RALGPS2: variants seen among roughly 807,000 people sequenced by gnomAD.
RALGPS2 encodes the protein Ral GEF with PH domain and SH3 binding motif 2.
In RALGPS2, 43 loss-of-function variants were observed where a neutral mutation model predicts 86.8. That is an observed-to-expected ratio of 0.50 (90% CI 0.39 to 0.64). RALGPS2 has a LOEUF of 0.64. RALGPS2 is among the 30% of genes least tolerant of loss of function. The pLI is 0.00. For missense variants in RALGPS2, 536 were observed against 694.6 expected (o/e 0.77, Z 2.57); for synonymous variants, 243 against 231.3 (o/e 1.05, Z -0.46).
chr1:178,885,283 T>C lies in RALGPS2; in HGVS notation c.1040+72T>C, dbSNP rs185545339. 1.5e-5 allele frequency: 21 copies of C among 1,440,986 alleles called. No individual in the cohort carries two copies. The African/African-American group carries it at 2.0e-4, about 14-fold the overall frequency. The allele number at this position is 1,440,986 out of a possible 1,614,324, so 89.3% of individuals were successfully genotyped here. A position where few individuals can be genotyped will look rare whatever the true frequency, so the allele number is the denominator to read the frequency against. On this transcript the variant is annotated intron_variant, in intron 12 of 19. Transcript: ENST00000367635. ...TTGGATTTATTGTCGATTTATTAGT[T>C]CAGTAGAAAATGGTATCCTTGAATA... is the stretch of plus-strand genomic sequence containing the variant.
At chr1:178,735,570 C>T (rs1459663887) in intron 1 of RALGPS2, among the ~76,000 whole-genome samples, 6 of 148,014 alleles carry the variant, frequency 4.1e-5, no homozygotes, top group South Asian at 4.2e-4. Flanking sequence ...ATTACAGGCA[C>T]GTGCCACCAT....
chr1:178,882,886 T>C (rs1431178619), intron 10 of RALGPS2, among the ~76,000 whole-genome samples: 1 of 152,206 alleles, frequency 6.6e-6, no homozygotes, highest in Admixed American at 6.5e-5. Context: ...TGTCAGCTGG[T>C]TTGTTAGATG....
chr1:178,865,036 T>C (rs370541934), intron 8 of RALGPS2: 1 of 1,493,420 alleles, frequency 6.7e-7, no homozygotes, highest in South Asian at 1.5e-5. Context: ...GCATTAAATC[T>C]CTGGGATAAC....
chr1:178,806,753 G>T (rs545031904), intron 4 of RALGPS2, among the ~76,000 whole-genome samples: 1 of 151,072 alleles, frequency 6.6e-6, no homozygotes, highest in East Asian at 1.9e-4. Context: ...AGTTTTCTTC[G>T]CTCCCTGCCC....
intron 1 of RALGPS2, among the ~76,000 whole-genome samples, chr1:178,745,252 G>C (rs569563755): frequency 1.7e-4 from 25 of 147,982 alleles, no homozygotes; most frequent in South Asian, 1.2e-3. Flanking sequence ...CGGTGGGGTG[G>C]GGGAATAGAA....
At chr1:178,777,624 A>C (rs1279441610) in intron 2 of RALGPS2, among the ~76,000 whole-genome samples, 3 of 150,250 alleles carry the variant, frequency 2.0e-5, no homozygotes, top group Non-Finnish European at 3.0e-5. Flanking sequence ...GAGGCATCAC[A>C]CTACCTGACT....
intron 7 of RALGPS2, among the ~76,000 whole-genome samples, chr1:178,829,729 TTTTATTTATTA>T (rs1558138321): frequency 1.3e-5 from 2 of 151,944 alleles, no homozygotes; most frequent in Middle Eastern, 3.2e-3. Context: ...TCTTTTTAAA[TTTTATTTATTA>T]TTTATTTATT....
intron 8 of RALGPS2, among the ~76,000 whole-genome samples, chr1:178,874,631 A>G (rs752556543): frequency 1.4e-4 from 22 of 152,094 alleles, no homozygotes; most frequent in Non-Finnish European, 8.8e-5. Flanking sequence ...CTACTTTTTT[A>G]TATCTTCTAT....
intron 12 of RALGPS2, 23 bp from the exon 13 acceptor site, chr1:178,885,946 T>G: frequency 6.5e-7 from 1 of 1,547,648 alleles, no homozygotes; most frequent in Admixed American, 2.1e-5. Context: ...ATAAAAGATA[T>G]GAACTTTTTT....
intron 8 of RALGPS2, chr1:178,865,088 G>A: frequency 1.3e-6 from 2 of 1,556,984 alleles, no homozygotes; most frequent in South Asian, 1.2e-5. Flanking sequence ...CAGACCAGGA[G>A]TATACTGTTG....
At chr1:178,817,767 G>C (rs1655307221) in intron 6 of RALGPS2, among the ~76,000 whole-genome samples, 1 of 152,142 alleles carries the variant, frequency 6.6e-6, no homozygotes, top group African/African-American at 2.4e-5. Flanking sequence ...TTCTGTTTAA[G>C]TTTTCTTTAA....
At chr1:178,756,320 T>A (rs1198660683) in intron 1 of RALGPS2, among the ~76,000 whole-genome samples, 1 of 152,230 alleles carries the variant, frequency 6.6e-6, no homozygotes, top group African/African-American at 2.4e-5. Flanking sequence ...TTAATCCATC[T>A]TGTTAATTTT....
chr1:178,798,731 T>C (rs2102164850), intron 4 of RALGPS2, among the ~76,000 whole-genome samples: 1 of 152,302 alleles, frequency 6.6e-6, no homozygotes. Flanking sequence ...GTGTCTTTTA[T>C]CTTGTATTGA....
At chr1:178,775,015 A>C (rs1653005787) in intron 1 of RALGPS2, among the ~76,000 whole-genome samples, 1 of 152,152 alleles carries the variant, frequency 6.6e-6, no homozygotes, top group Non-Finnish European at 1.5e-5. Context: ...GTGTATTTCT[A>C]AGGTTTTGTC....
intron 11 of RALGPS2, among the ~76,000 whole-genome samples, chr1:178,884,183 T>G (rs1258536482): frequency 6.6e-6 from 1 of 152,152 alleles, no homozygotes; most frequent in Non-Finnish European, 1.5e-5. Flanking sequence ...AATGGGAAAG[T>G]CTACTAATTT....
At chr1:178,850,815 GTTAT>G (rs1282096711) in intron 8 of RALGPS2, 3 of 194,418 alleles carry the variant, frequency 1.5e-5, no homozygotes, top group Non-Finnish European at 3.1e-5. Context: ...TCTTGAACAT[GTTAT>G]TTATGATTTA....
chr1:178,764,635 C>T (rs2102071122), intron 1 of RALGPS2, among the ~76,000 whole-genome samples: 1 of 152,270 alleles, frequency 6.6e-6, no homozygotes, highest in South Asian at 2.1e-4. Flanking sequence ...CCCTTCAGGA[C>T]TTTTTGTAAG....
chr1:178,879,427 T>G (rs1342265670), intron 10 of RALGPS2: 1 of 153,266 alleles, frequency 6.5e-6, no homozygotes, highest in Non-Finnish European at 1.5e-5. Context: ...GTCCATCTTG[T>G]CTCAGGAGAA....
At chr1:178,877,109 A>G (rs1444105231) in intron 8 of RALGPS2, among the ~76,000 whole-genome samples, 2 of 152,168 alleles carry the variant, frequency 1.3e-5, no homozygotes, top group Non-Finnish European at 2.9e-5. Flanking sequence ...ATAGGTTTTA[A>G]GTCTGAGGTT....
Sources: gnomAD v4.1 joint callset for allele counts (sites outside exome capture counted in the v4.1 genomes callset) on GRCh38, gnomAD v4.1.1 for gene constraint, MANE v1.5 for transcripts, NCBI Gene and HGNC (gene_info 2026-07-23, HGNC 2026-07-21) for gene names.